FAF1: variants seen among roughly 807,000 people sequenced by gnomAD.
FAF1 encodes Fas associated factor 1.
A neutral mutation model predicts 92.5 loss-of-function variants in FAF1; 25 were observed. That is an observed-to-expected ratio of 0.27 (90% confidence interval 0.20 to 0.38). The LOEUF is 0.38. Among genes scored for constraint, FAF1 ranks in the 10% least tolerant of loss-of-function variants. The pLI is 1.00. For missense variants in FAF1, 636 were observed against 793.3 expected, an observed-to-expected ratio of 0.80 and a Z score of 2.38; for synonymous variants, 234 against 273.2, an observed-to-expected ratio of 0.86 and a Z score of 1.42.
At chr1:50,457,782 T>C (rs113870552) in intron 18 of FAF1, among the ~76,000 whole-genome samples, 10,065 of 133,842 alleles carry the variant, frequency 0.075, 414 homozygotes, top group Non-Finnish European at 0.083. Flanking sequence ...TGTGCACTTA[T>C]AGTCCCAGCT....
intron 15 of FAF1, among the ~76,000 whole-genome samples, chr1:50,533,026 G>A (rs1648263954): frequency 6.6e-6 from 1 of 152,120 alleles, no homozygotes; most frequent in Admixed American, 6.5e-5. Flanking sequence ...ATGTTGCCCA[G>A]GCTGATCTCA....
chr1:50,757,217 T>C (rs1660111613), intron 4 of FAF1, among the ~76,000 whole-genome samples: 1 of 152,228 alleles, frequency 6.6e-6, no homozygotes, highest in Non-Finnish European at 1.5e-5. Context: ...TTTGCTGTTA[T>C]AATGAGGAGT....
chr1:50,933,642 C>T (rs1237749491), intron 1 of FAF1, among the ~76,000 whole-genome samples: 5 of 152,200 alleles, frequency 3.3e-5, no homozygotes, highest in Admixed American at 2.0e-4. Flanking sequence ...GTTCCAACGT[C>T]GCATCCAAAT....
intron 4 of FAF1, among the ~76,000 whole-genome samples, chr1:50,750,185 G>A (rs1659798118): frequency 6.6e-6 from 1 of 152,144 alleles, no homozygotes; most frequent in Admixed American, 6.5e-5. Flanking sequence ...TGCCACTGCA[G>A]TATCCCACCC....
chr1:50,865,041 A>G (rs1644468654), intron 1 of FAF1, among the ~76,000 whole-genome samples: 1 of 152,218 alleles, frequency 6.6e-6, no homozygotes, highest in African/African-American at 2.4e-5. Flanking sequence ...ATGAACAGAC[A>G]CTTCTCAAAA....
chr1:50,606,023 T>C (rs1652366085), intron 8 of FAF1, among the ~76,000 whole-genome samples: 1 of 152,180 alleles, frequency 6.6e-6, no homozygotes, highest in African/African-American at 2.4e-5. Context: ...GGGAATAATA[T>C]CTTTGTTGAC....
chr1:50,671,300 G>A (rs1055679500), intron 7 of FAF1, among the ~76,000 whole-genome samples: 1 of 151,864 alleles, frequency 6.6e-6, no homozygotes, highest in African/African-American at 2.4e-5. Context: ...AGTTACTCGG[G>A]AGTCTGAGGC....
At chr1:50,845,800 A>G (rs1218961121) in intron 2 of FAF1, among the ~76,000 whole-genome samples, 2 of 151,944 alleles carry the variant, frequency 1.3e-5, no homozygotes, top group East Asian at 3.9e-4. Context: ...CCTAACTCAA[A>G]ATTATACTCA....
intron 1 of FAF1, among the ~76,000 whole-genome samples, chr1:50,959,361 C>T (rs977776131): frequency 6.6e-6 from 1 of 151,980 alleles, no homozygotes; most frequent in African/African-American, 2.4e-5. Context: ...ATAAATACAC[C>T]ACGCCCATAA....
At chr1:50,945,073 T>C (rs1364618955) in intron 1 of FAF1, among the ~76,000 whole-genome samples, 5 of 152,210 alleles carry the variant, frequency 3.3e-5, no homozygotes, top group Non-Finnish European at 7.3e-5. Context: ...TGTTCCAATA[T>C]TCAATGTTTA....
intron 15 of FAF1, among the ~76,000 whole-genome samples, chr1:50,532,830 G>C (rs935193932): frequency 2.0e-5 from 3 of 151,902 alleles, no homozygotes; most frequent in African/African-American, 4.8e-5. Context: ...TTGTTTTTAA[G>C]AGACAGGGTC....
chr1:50,533,469 T>TTACTAAGTGCTGACTTTG (rs1199533795), intron 15 of FAF1, among the ~76,000 whole-genome samples: 4 of 152,174 alleles, frequency 2.6e-5, no homozygotes, highest in Admixed American at 6.6e-5. Flanking sequence ...TAACAAACAT[T>TTACTAAGTGCTGACTTTG]TACTAAGTGC....
intron 4 of FAF1, among the ~76,000 whole-genome samples, chr1:50,759,149 T>A (rs1257720391): frequency 1.3e-5 from 2 of 152,142 alleles, no homozygotes; most frequent in Non-Finnish European, 2.9e-5. Context: ...TATTTTAATT[T>A]TTTTAAAATT....
intron 4 of FAF1, among the ~76,000 whole-genome samples, chr1:50,755,446 C>G (rs1430608462): frequency 6.6e-6 from 1 of 152,180 alleles, no homozygotes. Context: ...TGTGGCTTTG[C>G]AGGGTATAGC....
chr1:50,599,180 T>G (rs1651978334), intron 8 of FAF1, among the ~76,000 whole-genome samples: 1 of 152,034 alleles, frequency 6.6e-6, no homozygotes, highest in Admixed American at 6.6e-5. Flanking sequence ...TGGTACGATC[T>G]CAGCTCACTG....
chr1:50,453,720 T>C (rs1300435057), intron 18 of FAF1, among the ~76,000 whole-genome samples: 2 of 152,154 alleles, frequency 1.3e-5, no homozygotes, highest in East Asian at 1.9e-4. Flanking sequence ...AAAAGCACCA[T>C]GATGAGAAAG....
At chr1:50,711,034 T>C (rs1261619610) in intron 6 of FAF1, among the ~76,000 whole-genome samples, 1 of 151,454 alleles carries the variant, frequency 6.6e-6, no homozygotes, top group Non-Finnish European at 1.5e-5. Context: ...GTGAGCCTCC[T>C]GAGTAGCTGG....
intron 15 of FAF1, among the ~76,000 whole-genome samples, chr1:50,513,014 G>C (rs1459098935): frequency 6.6e-6 from 1 of 151,992 alleles, no homozygotes; most frequent in Non-Finnish European, 1.5e-5. Context: ...TACTTTTTTT[G>C]TATGAGGGCC....
chr1:50,501,375 A>AT (rs2149016101), intron 15 of FAF1, among the ~76,000 whole-genome samples: 1 of 152,310 alleles, frequency 6.6e-6, no homozygotes, highest in Non-Finnish European at 1.5e-5. Context: ...AGTTTAAAAG[A>AT]CTAACCAGGC....
Sources: gnomAD v4.1 joint callset for allele counts (sites outside exome capture counted in the v4.1 genomes callset) on GRCh38, gnomAD v4.1.1 for gene constraint, MANE v1.5 for transcripts, NCBI Gene and HGNC (gene_info 2026-07-23, HGNC 2026-07-21) for gene names.